Variants in ZNF391 observed in about 807,000 individuals in gnomAD.
The protein encoded by ZNF391 is zinc finger protein 391.
For missense variants in ZNF391, 375 were observed against 425.5 expected, an observed-to-expected ratio of 0.88 and a Z score of 1.04; for synonymous variants, 126 against 142.1, an observed-to-expected ratio of 0.89 and a Z score of 0.80.
chr6:27,401,294 A>C lies in ZNF391; in HGVS notation c.924A>C (p.Arg308Ser). 1 of 1,614,036 alleles carries C rather than the reference A, an allele frequency of 6.2e-7. No individual in the cohort carries two copies. Residue 308 changes from arginine (R) to serine (S), a missense_variant, in exon 3 of 3, where the codon AGA (arginine) becomes AGC (serine). Arg to Ser is a moderately radical substitution (Grantham distance 110, BLOSUM62 -1). Transcript: ENST00000244576. ...IHSGEKPHEC[R>S]VCGKGFSRSS... is the part of the protein sequence containing the mutation. The stretch of plus-strand genomic sequence containing the variant: ...GTGGAGAAAAGCCTCACGAGTGTAG[A>C]GTGTGTGGAAAGGGCTTCAGTCGAA...
upstream of ZNF391, among the ~76,000 whole-genome samples, chr6:27,386,085 AATGAAAACACAACTT>A (rs1209770264): frequency 6.6e-6 from 1 of 152,198 alleles, no homozygotes; most frequent in Non-Finnish European, 1.5e-5. Flanking sequence ...ACTACATGAA[AATGAAAACACAACTT>A]ATCAAAATTT....
chr6:27,401,377 A>G lies in ZNF391; in HGVS notation c.1007A>G (p.Asn336Ser), dbSNP rs1437981914. The G allele has an allele frequency of 4.3e-6, 7 of 1,613,836 alleles. No individual in the cohort carries two copies. The South Asian group carries it at 7.7e-5, about 18-fold the overall frequency. ...ACCGGGGAGAAGCCGTACAAATGTA[A>G]TGACTGTGGAAAAGCCTTCTGTCAG... is the stretch of plus-strand genomic sequence containing the variant. Reference protein sequence around the residue: ...THTGEKPYKCNDCGKAFCQSS... With the variant: ...THTGEKPYKCSDCGKAFCQSS... Residue 336 changes from asparagine (N) to serine (S), a missense_variant, in exon 3 of 3, where the codon AAT becomes AGT. By Grantham distance (46) the Asn-to-Ser change is conservative (BLOSUM62 1). Coordinates refer to ENST00000244576, the MANE Select transcript of ZNF391 (RefSeq NM_001076781.3).
chr6:27,375,493 C>A (rs1158549178), intron 1 of ZNF391, among the ~76,000 whole-genome samples: 1 of 152,168 alleles, frequency 6.6e-6, no homozygotes, highest in African/African-American at 2.4e-5. Context: ...CTTATTATCT[C>A]TTTTATAACA....
chr6:27,400,154 C>A, intron 2 of ZNF391, 139 bp from the exon 3 acceptor site: 1 of 448,240 alleles, frequency 2.2e-6, no homozygotes, highest in Non-Finnish European at 3.9e-6. Context: ...TGTTCTCCTC[C>A]ACTATCCTTT....
upstream of ZNF391, among the ~76,000 whole-genome samples, chr6:27,384,564 T>G (rs1351762348): frequency 6.6e-6 from 1 of 152,006 alleles, no homozygotes; most frequent in Non-Finnish European, 1.5e-5. Flanking sequence ...CTACAGCCAA[T>G]TTTTAATTGA....
chr6:27,398,047 G>A (rs756219185), intron 1 of ZNF391, among the ~76,000 whole-genome samples: 4 of 152,168 alleles, frequency 2.6e-5, no homozygotes, highest in Non-Finnish European at 5.9e-5. Flanking sequence ...TGGCAAAGCT[G>A]AACACAGACA....
At chr6:27,384,480 AAAAGAGAGAG>A (rs775737457), upstream of ZNF391, among the ~76,000 whole-genome samples, 1 of 66,696 alleles carries the variant, frequency 1.5e-5, no homozygotes, top group African/African-American at 4.6e-5. Context: ...AAAAAAAAAA[AAAAGAGAGAG>A]AGAGAGAGAG....
intron 1 of ZNF391, among the ~76,000 whole-genome samples, chr6:27,399,017 A>C (rs142103189): frequency 6.6e-5 from 10 of 152,314 alleles, no homozygotes; most frequent in African/African-American, 2.2e-4. Flanking sequence ...TGCTGTGAGA[A>C]GAATGTTAGG....
chr6:27,380,562 G>T (rs904363192), intron 1 of ZNF391, among the ~76,000 whole-genome samples: 3 of 152,238 alleles, frequency 2.0e-5, no homozygotes, highest in African/African-American at 4.8e-5. Flanking sequence ...TGTGGAAGGG[G>T]TTGCCACTGC....
At chr6:27,379,467 C>G (rs1381113679) in intron 1 of ZNF391, among the ~76,000 whole-genome samples, 2 of 152,186 alleles carry the variant, frequency 1.3e-5, no homozygotes, top group Non-Finnish European at 2.9e-5. Flanking sequence ...TTCTCTTCCT[C>G]CTATGTTGTA....
intron 1 of ZNF391, among the ~76,000 whole-genome samples, chr6:27,379,570 T>A (rs188251699): frequency 1.0e-3 from 155 of 151,848 alleles, no homozygotes; most frequent in African/African-American, 3.6e-3. Context: ...TTAATGTGAA[T>A]AACTACGATT....
At chr6:27,382,187 G>A (rs931259383) in intron 1 of ZNF391, among the ~76,000 whole-genome samples, 1 of 151,972 alleles carries the variant, frequency 6.6e-6, no homozygotes, top group Non-Finnish European at 1.5e-5. Flanking sequence ...CCAAAAATCA[G>A]CCGGGTGTAG....
At chr6:27,377,154 T>G (rs532399572) in intron 1 of ZNF391, among the ~76,000 whole-genome samples, 1 of 152,126 alleles carries the variant, frequency 6.6e-6, no homozygotes, top group South Asian at 2.1e-4. Context: ...ATTGGAAAAA[T>G]ATAAACAATT....
At position 27,401,523 on chromosome 6, in the gene ZNF391, G is replaced by GTA. The variant is rs1260794922; in HGVS notation, c.*85_*86dup. 8 of 1,105,424 alleles carry GTA rather than the reference G, an allele frequency of 7.2e-6. No individual in the cohort carries two copies. The highest frequency in any genetic ancestry group is 1.6e-5 in the African/African-American group (1 of 62,848). The allele number at this position is 1,105,424 out of a possible 1,614,324, so 68.5% of individuals were successfully genotyped here. ...CACCACTGAAATATATATATTTCAA[G>GTA]TATATATATACTTGTTCTAATTTTC... On this transcript the variant is annotated 3_prime_UTR_variant, in exon 3 of 3. Coordinates refer to ENST00000244576, the MANE Select transcript of ZNF391 (RefSeq NM_001076781.3).
chr6:27,382,919 A>G (rs2113640371), intron 1 of ZNF391, among the ~76,000 whole-genome samples: 1 of 152,328 alleles, frequency 6.6e-6, no homozygotes, highest in African/African-American at 2.4e-5. Context: ...CAGGAGGTCA[A>G]GACCAGCCTG....
In ZNF391 at chr6:27,402,951, C is replaced by G. The variant is rs1762007319; in HGVS notation, c.*1504C>G. ...AAGTACTGAGTAGACACTAAATGCTCTGTAATTATTGCTCACTGATTCCTC... is the reference window on the plus strand; with the variant it reads ...AAGTACTGAGTAGACACTAAATGCTGTGTAATTATTGCTCACTGATTCCTC... On this transcript the variant is annotated 3_prime_UTR_variant, in exon 3 of 3. Transcript: ENST00000244576. The G allele has an allele frequency of 6.6e-6, 1 of 152,142 alleles. No homozygotes were observed. The highest frequency in any genetic ancestry group is 1.5e-5 in the Non-Finnish European group (1 of 68,028). The allele number at this position is 152,142 out of a possible 1,614,324, so 9.4% of individuals were successfully genotyped here.
chr6:27,401,095 T>C lies in ZNF391; in HGVS notation c.725T>C (p.Ile242Thr), dbSNP rs58690463. 2,513 of 1,614,092 alleles carry C rather than the reference T, an allele frequency of 1.6e-3. 70 individuals are homozygous for C. In the East Asian group the frequency reaches 0.04, roughly 26 times the overall value. ...TCAACCATAATTCAGCATCAACGAA[T>C]ACACACTGGAGAGAATCCCTATGAA... is the stretch of plus-strand genomic sequence containing the variant. ...DRSTIIQHQR[I>T]HTGENPYECS... is the part of the protein sequence containing the mutation. The change falls in exon 3 of 3, where the codon ATA becomes ACA. Residue 242 changes from isoleucine (I) to threonine (T), a missense_variant. Coordinates refer to ENST00000244576, the MANE Select transcript of ZNF391 (RefSeq NM_001076781.3).
chr6:27,382,574 C>T (rs774203201), intron 1 of ZNF391, among the ~76,000 whole-genome samples: 12 of 152,042 alleles, frequency 7.9e-5, no homozygotes, highest in Non-Finnish European at 1.5e-4. Flanking sequence ...AATTCTCATA[C>T]CAGAAATTTG....
At chr6:27,396,700 C>T (rs927392831) in intron 1 of ZNF391, among the ~76,000 whole-genome samples, 2 of 151,974 alleles carry the variant, frequency 1.3e-5, no homozygotes, top group African/African-American at 4.8e-5. Context: ...GCACTCCAGC[C>T]TGGGTGATAG....
Sources: gnomAD v4.1 joint callset for allele counts (sites outside exome capture counted in the v4.1 genomes callset) on GRCh38, gnomAD v4.1.1 for gene constraint, MANE v1.5 for transcripts, NCBI Gene and HGNC (gene_info 2026-07-23, HGNC 2026-07-21) for gene names.